ZNF100: variants seen among roughly 807,000 people sequenced by gnomAD.
ZNF100 encodes the protein zinc finger protein 100.
In ZNF100, 12 loss-of-function variants were observed where a neutral mutation model predicts 15.8. The observed-to-expected ratio is 0.76, with a 90% CI of 0.49 to 1.23. ZNF100 has a LOEUF of 1.23. Ranked by LOEUF, ZNF100 falls within the 50% of genes most tolerant of loss-of-function variation. ZNF100 has a pLI of 0.00. For synonymous variants in ZNF100, 226 were observed against 214.8 expected (o/e 1.05, Z -0.45); for missense variants, 670 against 635.6 (o/e 1.05, Z -0.58).
chr19:21,728,412 C>T (rs560746296), intron 4 of ZNF100, among the ~76,000 whole-genome samples: 1 of 152,126 alleles, frequency 6.6e-6, no homozygotes, highest in East Asian at 1.9e-4. Flanking sequence ...AAATATAATG[C>T]TGAAAGAAAC....
rs1460685573 is a variant in ZNF100 at position 21,760,751 on chromosome 19, CTTGTT to C, written c.96+4938_96+4942del. 5.2e-5 allele frequency among the ~76,000 whole-genome samples: 5 copies of C among 97,040 alleles called. No homozygotes were observed. In the Admixed American group the frequency reaches 7.2e-4, roughly 14 times the overall value. The allele number at this position is 97,040 out of a possible 152,430, so 63.7% of individuals were successfully genotyped here. A position where few individuals can be genotyped will look rare whatever the true frequency, so the allele number is the denominator to read the frequency against. ...GACATTAGAATAGAGGAAGAACTTT[CTTGTT>C]TTTTTTTTTTTTTTTTTTGAGATGG... On this transcript the variant is annotated intron_variant, in intron 2 of 4. Transcript: ENST00000358296.
intron 2 of ZNF100, chr19:21,751,807 G>A (rs2036311464): frequency 9.0e-7 from 1 of 1,111,498 alleles, no homozygotes; most frequent in Non-Finnish European, 1.3e-6. Context: ...AGAACCTAGA[G>A]GCTATTTCTA....
chr19:21,751,736 C>T lies in ZNF100; in HGVS notation c.97-6669G>A, dbSNP rs780492851. 137 of 1,281,426 alleles carry T rather than the reference C, an allele frequency of 1.1e-4. No individual in the cohort carries two copies. The Admixed American group carries it at 2.3e-3, about 21-fold the overall frequency. The allele number at this position is 1,281,426 out of a possible 1,614,324, so 79.4% of individuals were successfully genotyped here. A position where few individuals can be genotyped will look rare whatever the true frequency, so the allele number is the denominator to read the frequency against. On this transcript the variant is annotated intron_variant, in intron 2 of 4. Transcript: ENST00000358296. ...TTATGCCAAACACTACCTTGACCATCGCTCCTTAGCAGATGACCACCTGAA... is the reference window on the plus strand; with the variant it reads ...TTATGCCAAACACTACCTTGACCATTGCTCCTTAGCAGATGACCACCTGAA...
At chr19:21,759,712 C>T (rs148598497) in intron 2 of ZNF100, among the ~76,000 whole-genome samples, 96 of 152,308 alleles carry the variant, frequency 6.3e-4, no homozygotes, top group African/African-American at 2.2e-3. Context: ...GCTACACCCC[C>T]ACCGGTGCCA....
rs1381916213 is a variant in ZNF100 at position 21,726,559 on chromosome 19, G to C, written c.*124C>G. ...CTCTAGTATGAATTATCTTATGTCT[G>C]TTAGGAATTGAGAATTTATTAAAGG... On this transcript the variant is annotated 3_prime_UTR_variant, in exon 5 of 5. Coordinates refer to ENST00000358296, the MANE Select transcript of ZNF100 (RefSeq NM_173531.4). 2 of 872,638 alleles carry C rather than the reference G, an allele frequency of 2.3e-6. No individual in the cohort carries two copies. Among genetic ancestry groups the C allele is most frequent in the Admixed American group, 5.8e-5 (2 of 34,456 alleles). 54.1% of individuals were successfully genotyped at this position (872,638 alleles called of 1,614,324 possible).
intron 2 of ZNF100, among the ~76,000 whole-genome samples, chr19:21,762,205 A>C (rs895029173): frequency 6.6e-6 from 1 of 152,166 alleles, no homozygotes; most frequent in Non-Finnish European, 1.5e-5. Context: ...TAGCACTCCT[A>C]AACAAAACAG....
chr19:21,751,680 T>C (rs1328887123), intron 2 of ZNF100: 1 of 1,245,734 alleles, frequency 8.0e-7, no homozygotes, highest in Non-Finnish European at 1.2e-6. Flanking sequence ...TCGGAGCTTC[T>C]TCAGTTTAAT....
intron 2 of ZNF100, among the ~76,000 whole-genome samples, chr19:21,762,975 C>T (rs2036504740): frequency 1.3e-5 from 2 of 152,162 alleles, no homozygotes; most frequent in African/African-American, 4.8e-5. Context: ...ATCCTCACTG[C>T]TACACTCCCA....
At chr19:21,767,334 TG>T in intron 1 of ZNF100, 92 bp downstream of exon 1, 1 of 1,600,974 alleles carries the variant, frequency 6.2e-7, no homozygotes, top group Non-Finnish European at 8.5e-7. Context: ...TGAAGCTGAC[TG>T]CGGAGAGGCC....
At chr19:21,750,971 GT>G in intron 2 of ZNF100, 2 of 1,021,400 alleles carry the variant, frequency 2.0e-6, no homozygotes, top group Non-Finnish European at 2.9e-6. Flanking sequence ...TGCGGTGGCG[GT>G]AGCGCCCGCT....
chr19:21,738,683 G>A (rs189739362), intron 4 of ZNF100, among the ~76,000 whole-genome samples: 94 of 152,240 alleles, frequency 6.2e-4, no homozygotes, highest in Non-Finnish European at 3.1e-4. Flanking sequence ...TTCAGGCCAG[G>A]CGCAGAGACT....
Position 21,749,578 on chromosome 19 carries a change from G to A in ZNF100, c.97-4511C>T, listed in dbSNP as rs188088076. Reference sequence around the variant, plus strand: ...AGCTTTTGGGTAAGAAGAAGGACAAGAATACTCTACTCCAGTATCATATTT... The same window carrying A: ...AGCTTTTGGGTAAGAAGAAGGACAAAAATACTCTACTCCAGTATCATATTT... On this transcript the variant is annotated intron_variant, in intron 2 of 4. Coordinates refer to ENST00000358296, the MANE Select transcript of ZNF100 (RefSeq NM_173531.4). Among the ~76,000 whole-genome samples the A allele has an allele frequency of 6.6e-5, 10 of 152,320 alleles. No individual in the cohort carries two copies. The East Asian group carries it at 1.9e-3, about 29-fold the overall frequency.
In ZNF100 at chr19:21,733,624, TC is replaced by T. The variant is rs1393599509; in HGVS notation, c.323-5636del. The stretch of plus-strand genomic sequence containing the variant: ...TCTGCAGATCAGCAGACTTAGTCTT[TC>T]CCCCTGCTGGCTGAGGAATCTGGGC... On this transcript the variant is annotated intron_variant, in intron 4 of 4. Transcript: ENST00000358296. 3.9e-5 allele frequency among the ~76,000 whole-genome samples: 6 copies of T among 152,392 alleles called. No individual in the cohort carries two copies. The South Asian group carries it at 8.3e-4, about 21-fold the overall frequency.
chr19:21,732,178 A>T (rs752350506), intron 4 of ZNF100, among the ~76,000 whole-genome samples: 32 of 152,234 alleles, frequency 2.1e-4, no homozygotes, highest in Admixed American at 1.1e-3. Flanking sequence ...CTCAAAAAAA[A>T]AAAATTGCTA....
rs2036585190 is a variant in ZNF100 at position 21,767,502 on chromosome 19, G to C, written c.-73C>G. 1.2e-5 allele frequency: 19 copies of C among 1,604,574 alleles called. No homozygotes were observed. Among genetic ancestry groups the C allele is most frequent in the Middle Eastern group, 1.7e-4 (1 of 6,036 alleles). On this transcript the variant is annotated 5_prime_UTR_variant, in exon 1 of 5. Coordinates refer to ENST00000358296, the MANE Select transcript of ZNF100 (RefSeq NM_173531.4). ...TATCTGCAGGTCAGAGGGCCACACA[G>C]GCTAGGCCCCTAGGAGCAGAAGACA...
rs1477653364 is a variant in ZNF100, at chr19:21,724,069, GA to G, written c.*2613del. On this transcript the variant is annotated 3_prime_UTR_variant, in exon 5 of 5. Transcript: ENST00000358296. ...TTCATAATCTGTAAAATATTTATAT[GA>G]AAAAAGATACAAAATAATTAGGGGT... The G allele has an allele frequency of 6.6e-6, 1 of 152,044 alleles. No homozygotes were observed. Among genetic ancestry groups the G allele is most frequent in the Non-Finnish European group, 1.5e-5 (1 of 67,980 alleles). 9.4% of individuals were successfully genotyped at this position (152,044 alleles called of 1,614,324 possible). A position where few individuals can be genotyped will look rare whatever the true frequency, so the allele number is the denominator to read the frequency against.
At chr19:21,764,763 G>A (rs2036533727) in intron 2 of ZNF100, among the ~76,000 whole-genome samples, 1 of 151,662 alleles carries the variant, frequency 6.6e-6, no homozygotes, top group African/African-American at 2.4e-5. Flanking sequence ...AAACAGTACC[G>A]AGTTTCATCT....
chr19:21,761,275 T>C (rs2036479555), intron 2 of ZNF100, among the ~76,000 whole-genome samples: 1 of 152,220 alleles, frequency 6.6e-6, no homozygotes, highest in Non-Finnish European at 1.5e-5. Flanking sequence ...TATACACCTG[T>C]GAAAAAAATT....
Position 21,727,588 on chromosome 19 carries a change from A to G in ZNF100, c.724T>C (p.Phe242Leu), listed in dbSNP as rs770244846. Residue 242 changes from phenylalanine (F) to leucine (L), a missense_variant, in exon 5 of 5, where the codon TTC (phenylalanine) becomes CTC (leucine). Phe to Leu is a conservative substitution (Grantham distance 22). Transcript: ENST00000358296. ...GTAGTAAGGGTTGAGAACCAGTTGA[A>G]GGCTTTGCCACAATCTTTACATTGG... ...SYQCKDCGKA[F>L]NWFSTLTTHR... 4 of 1,613,382 alleles carry G rather than the reference A, an allele frequency of 2.5e-6. No homozygotes were observed. The South Asian group carries it at 4.4e-5, about 18-fold the overall frequency.
Sources: allele counts gnomAD v4.1 joint callset (sites outside exome capture counted in the v4.1 genomes callset), GRCh38; gene constraint gnomAD v4.1.1; transcripts MANE v1.5; gene names NCBI Gene and HGNC (gene_info 2026-07-23, HGNC 2026-07-21).